SH2D1B: variants seen among roughly 807,000 people sequenced by gnomAD.
SH2D1B encodes the protein SH2 domain-containing protein 1B.
SH2D1B carries 11 observed loss-of-function variants against 16.3 expected under a neutral mutation model. The ratio of observed to expected loss-of-function variants is 0.67; its 90% CI spans 0.42 to 1.11. The LOEUF is 1.11. SH2D1B is among the 50% of genes most tolerant of loss of function. SH2D1B has a pLI of 0.00. For synonymous variants in SH2D1B, 55 were observed against 56.1 expected (o/e 0.98, Z 0.09); for missense variants, 123 against 153.1 (o/e 0.80, Z 1.04).
chr1:162,402,491 C>A (rs895722886), intron 2 of SH2D1B: 7 of 327,570 alleles, frequency 2.1e-5, no homozygotes, highest in Non-Finnish European at 3.4e-5. Context: ...GCACTCCAGC[C>A]TGGACGACAG....
intron 1 of SH2D1B, among the ~76,000 whole-genome samples, chr1:162,407,473 T>C (rs1220077516): frequency 6.6e-6 from 1 of 152,222 alleles, no homozygotes; most frequent in Non-Finnish European, 1.5e-5. Flanking sequence ...GGCAAGCTAT[T>C]AAATAAGAAG....
At position 162,399,029 on chromosome 1, in the gene SH2D1B, A is replaced by G. The variant is rs1158035271; in HGVS notation, c.257T>C (p.Phe86Ser). 8 of 1,613,908 alleles carry G rather than the reference A, an allele frequency of 5.0e-6. No homozygotes were observed. Among genetic ancestry groups the G allele is most frequent in the African/African-American group, 1.3e-5 (1 of 74,876 alleles). The change falls in exon 3 of 4, where the codon TTT (phenylalanine) becomes TCT (serine). Residue 86 changes from phenylalanine to serine, a missense_variant. Coordinates refer to ENST00000367929, the MANE Select transcript of SH2D1B (RefSeq NM_053282.5). The stretch of plus-strand genomic sequence containing the variant: ...CACCATCCCCTGATTTGGTTTTTCA[A>G]ATTTGGAGATCAGTTCCTTTAGGCT... ...FPSLKELISK[F>S]EKPNQGMVVH...
chr1:162,404,161 C>A (rs192299999), intron 1 of SH2D1B, among the ~76,000 whole-genome samples: 98 of 152,182 alleles, frequency 6.4e-4, no homozygotes, highest in African/African-American at 2.2e-3. Flanking sequence ...CATGGTGAAA[C>A]CCTGTCTCTA....
chr1:162,411,407 C>T (rs1050961886), intron 1 of SH2D1B, among the ~76,000 whole-genome samples: 2 of 152,090 alleles, frequency 1.3e-5, no homozygotes, highest in Admixed American at 6.5e-5. Context: ...AAGGAAATGA[C>T]GAATATTGAA....
At chr1:162,405,499 A>G (rs1232707316) in intron 1 of SH2D1B, among the ~76,000 whole-genome samples, 2 of 152,186 alleles carry the variant, frequency 1.3e-5, no homozygotes, top group Non-Finnish European at 2.9e-5. Context: ...TAATATATAA[A>G]CTAAATTTTA....
intron 1 of SH2D1B, 44 bp downstream of exon 1, chr1:162,411,839 A>G: frequency 3.1e-6 from 5 of 1,612,820 alleles, no homozygotes; most frequent in Non-Finnish European, 3.4e-6. Flanking sequence ...CCATTGCCAC[A>G]TTCAACATAC....
intron 1 of SH2D1B, among the ~76,000 whole-genome samples, chr1:162,409,522 C>T (rs1474526292): frequency 1.3e-5 from 2 of 152,156 alleles, no homozygotes; most frequent in African/African-American, 2.4e-5. Context: ...TTCCTACCTC[C>T]TCCCCTTCCT....
intron 1 of SH2D1B, among the ~76,000 whole-genome samples, chr1:162,407,206 G>C (rs1488720874): frequency 6.6e-6 from 1 of 152,174 alleles, no homozygotes; most frequent in Non-Finnish European, 1.5e-5. Flanking sequence ...TTCTCCCTAA[G>C]TGTCGGCCAG....
At chr1:162,404,674 T>C (rs1450429898) in intron 1 of SH2D1B, among the ~76,000 whole-genome samples, 1 of 152,198 alleles carries the variant, frequency 6.6e-6, no homozygotes, top group Non-Finnish European at 1.5e-5. Context: ...AATACATGGA[T>C]GGCAAATAAG....
intron 3 of SH2D1B, 103 bp from the exon 4 acceptor site, chr1:162,397,418 G>A: frequency 1.6e-6 from 2 of 1,254,464 alleles, no homozygotes; most frequent in South Asian, 2.5e-5. Flanking sequence ...CCCAGGCACA[G>A]AGCCATGTTG....
chr1:162,400,758 G>A (rs1412577887), intron 2 of SH2D1B, among the ~76,000 whole-genome samples: 1 of 151,986 alleles, frequency 6.6e-6, no homozygotes, highest in Non-Finnish European at 1.5e-5. Context: ...GACCAGCCTG[G>A]TCAACATGGC....
chr1:162,406,483 A>G (rs1222064235), intron 1 of SH2D1B, among the ~76,000 whole-genome samples: 1 of 152,210 alleles, frequency 6.6e-6, no homozygotes, highest in East Asian at 1.9e-4. Context: ...ATGTACATAT[A>G]TTGGTTTATA....
chr1:162,406,344 C>A (rs1648654776), intron 1 of SH2D1B, among the ~76,000 whole-genome samples: 1 of 152,140 alleles, frequency 6.6e-6, no homozygotes, highest in Admixed American at 6.5e-5. Flanking sequence ...GATATGTATA[C>A]ATTATGATAT....
chr1:162,411,219 G>T (rs1012415610), intron 1 of SH2D1B, among the ~76,000 whole-genome samples: 1 of 152,202 alleles, frequency 6.6e-6, no homozygotes, highest in East Asian at 1.9e-4. Flanking sequence ...GCCTCCCAAA[G>T]TGTTGGGATT....
chr1:162,397,421 C>G lies in SH2D1B; in HGVS notation c.364-106G>C, dbSNP rs796669207. On this transcript the variant is annotated intron_variant, in intron 3 of 3. Coordinates refer to ENST00000367929, the MANE Select transcript of SH2D1B (RefSeq NM_053282.5). ...AGAAGACCCCTCCCCAGGCACAGAG[C>G]CATGTTGATGCCACCTGAAAGTTGT... 1.6e-5 allele frequency: 19 copies of G among 1,203,844 alleles called. No homozygotes were observed. The South Asian group carries it at 2.1e-4, about 14-fold the overall frequency. The allele number at this position is 1,203,844 out of a possible 1,614,324, so 74.6% of individuals were successfully genotyped here.
chr1:162,410,187 G>A (rs921077373), intron 1 of SH2D1B, among the ~76,000 whole-genome samples: 1 of 152,064 alleles, frequency 6.6e-6, no homozygotes, highest in Non-Finnish European at 1.5e-5. Flanking sequence ...TGATCACCCG[G>A]GCCTGTCTTC....
At chr1:162,401,462 A>G (rs544307242) in intron 2 of SH2D1B, among the ~76,000 whole-genome samples, 2 of 152,206 alleles carry the variant, frequency 1.3e-5, no homozygotes, top group African/African-American at 4.8e-5. Flanking sequence ...ATTTTATTAT[A>G]TTTGCTTTTT....
chr1:162,409,641 C>T (rs527807358), intron 1 of SH2D1B, among the ~76,000 whole-genome samples: 12 of 152,252 alleles, frequency 7.9e-5, no homozygotes, highest in African/African-American at 2.6e-4. Flanking sequence ...TATAATGGCG[C>T]GATCTCGGCT....
At chr1:162,401,163 A>G (rs896801538) in intron 2 of SH2D1B, among the ~76,000 whole-genome samples, 5 of 152,210 alleles carry the variant, frequency 3.3e-5, no homozygotes, top group East Asian at 3.8e-4. Flanking sequence ...TCATTTCAAC[A>G]AAAGGCATCA....
Sources: allele counts gnomAD v4.1 joint callset (sites outside exome capture counted in the v4.1 genomes callset), GRCh38; gene constraint gnomAD v4.1.1; transcripts MANE v1.5; gene names NCBI Gene and HGNC (gene_info 2026-07-23, HGNC 2026-07-21).